DYRK1B: variants seen among roughly 807,000 people sequenced by gnomAD.
The protein encoded by DYRK1B is dual specificity tyrosine phosphorylation regulated kinase 1B, also known as dual specificity tyrosine-phosphorylation-regulated kinase 1B.
DYRK1B carries 20 observed loss-of-function variants against 57.1 expected under a neutral mutation model. That is an observed-to-expected ratio of 0.35 (90% confidence interval 0.25 to 0.51). The LOEUF (loss-of-function observed/expected upper bound fraction) is 0.51, where lower values mean the gene tolerates loss of function less well. Ranked by LOEUF, DYRK1B falls within the 20% of genes least tolerant of loss-of-function variation. The pLI is 0.96. For synonymous variants in DYRK1B, 409 were observed against 384.7 expected (o/e 1.06, Z -0.74); for missense variants, 732 against 886.3 (o/e 0.83, Z 2.21).
At chr19:39,829,722 G>T in intron 5 of DYRK1B, 158 bp downstream of exon 5, 3 of 799,180 alleles carry the variant, frequency 3.8e-6, no homozygotes, top group Non-Finnish European at 5.7e-6. Flanking sequence ...AATCATAAAA[G>T]CAGCAGGAGA....
intron 2 of DYRK1B, 146 bp from the exon 3 acceptor site, chr19:39,830,929 G>A: frequency 2.1e-6 from 2 of 968,888 alleles, no homozygotes; most frequent in Non-Finnish European, 3.0e-6. Context: ...CTCCCCCAGG[G>A]CTGAGACTTT....
chr19:39,827,535 T>G lies in DYRK1B; in HGVS notation c.929A>C (p.Glu310Ala), dbSNP rs1011510813. Residue 310 changes from glutamate (E) to alanine (A), a missense_variant, in exon 7 of 11, where the codon GAG (glutamate) becomes GCG (alanine). Glu to Ala is a moderately radical substitution (Grantham distance 107, BLOSUM62 -1). Coordinates refer to ENST00000323039, the MANE Select transcript of DYRK1B (RefSeq NM_004714.3). ...CTCATTGGAGCCACTGAAGAGGGGC[T>G]CTCCGGTGTGCATCTCCACAAGGAT... ...GCILVEMHTG[E>A]PLFSGSNEVD... The G allele has an allele frequency of 1.9e-6, 3 of 1,613,824 alleles. No homozygotes were observed. The highest frequency in any genetic ancestry group is 1.7e-5 in the Admixed American group (1 of 60,002).
At chr19:39,830,235 C>T in intron 4 of DYRK1B, 140 bp downstream of exon 4, 1 of 1,241,314 alleles carries the variant, frequency 8.1e-7, no homozygotes, top group Non-Finnish European at 1.1e-6. Flanking sequence ...AACTGTTTTA[C>T]AGAAAAGGCG....
chr19:39,834,046 C>G lies in DYRK1B; in HGVS notation c.-125G>C, dbSNP rs1968961180. On this transcript the variant is annotated 5_prime_UTR_variant, in exon 1 of 11. Coordinates refer to ENST00000323039, the MANE Select transcript of DYRK1B (RefSeq NM_004714.3). ...ACCTGAAGGAGCGGGCAAGGGGACT[C>G]AAACTGCTCGGGGAGCCCGAGCTCA... The G allele has an allele frequency of 6.1e-6, 1 of 164,412 alleles. No homozygotes were observed. The highest frequency in any genetic ancestry group is 6.1e-5 in the Admixed American group (1 of 16,372). 10.2% of individuals were successfully genotyped at this position (164,412 alleles called of 1,614,324 possible). A position where few individuals can be genotyped will look rare whatever the true frequency, so the allele number is the denominator to read the frequency against.
chr19:39,829,288 G>A (rs1000419586), intron 5 of DYRK1B, among the ~76,000 whole-genome samples: 7 of 150,808 alleles, frequency 4.6e-5, no homozygotes, highest in East Asian at 1.9e-4. Flanking sequence ...GTGCAGTGGC[G>A]TGGTCCCAGC....
At chr19:39,832,754 C>T (rs1358008063) in intron 1 of DYRK1B, among the ~76,000 whole-genome samples, 4 of 152,098 alleles carry the variant, frequency 2.6e-5, no homozygotes, top group Admixed American at 6.5e-5. Flanking sequence ...ACCAGCCTTC[C>T]AGGTAGTCTC....
At chr19:39,827,750 T>C (rs1599640117) in intron 6 of DYRK1B, 94 bp from the exon 7 acceptor site, 1 of 1,472,976 alleles carries the variant, frequency 6.8e-7, no homozygotes. Context: ...GACAGGCTTC[T>C]TGCTGACAAA....
intron 5 of DYRK1B, among the ~76,000 whole-genome samples, chr19:39,829,136 T>C (rs1968685533): frequency 6.6e-6 from 1 of 152,092 alleles, no homozygotes; most frequent in African/African-American, 2.4e-5. Context: ...TGACAGCACT[T>C]GAATGCCTGA....
At chr19:39,827,257 G>A (rs1175297042) in intron 8 of DYRK1B, 28 bp downstream of exon 8, 1 of 1,590,614 alleles carries the variant, frequency 6.3e-7, no homozygotes, top group Non-Finnish European at 8.6e-7. Context: ...CACGGGGTGG[G>A]AGGAGTGGCA....
chr19:39,829,817 T>A, intron 5 of DYRK1B, 63 bp downstream of exon 5: 1 of 1,579,980 alleles, frequency 6.3e-7, no homozygotes, highest in South Asian at 1.1e-5. Context: ...GTGTGACCCA[T>A]CCCTACTGGC....
At position 39,825,551 on chromosome 19, in the gene DYRK1B, C is replaced by G; in HGVS notation, c.*164G>C. 1.4e-6 allele frequency: 1 copy of G among 695,748 alleles called. No homozygotes were observed. The allele number at this position is 695,748 out of a possible 1,614,324, so 43.1% of individuals were successfully genotyped here. A position where few individuals can be genotyped will look rare whatever the true frequency, so the allele number is the denominator to read the frequency against. ...CTTAGTGGGGAGGGAGCGGCCAAAACCCTCTCCTTGACCCCCCTGCCCCAG... is the reference window on the plus strand; with the variant it reads ...CTTAGTGGGGAGGGAGCGGCCAAAAGCCTCTCCTTGACCCCCCTGCCCCAG... On this transcript the variant is annotated 3_prime_UTR_variant, in exon 11 of 11. Coordinates refer to ENST00000323039, the MANE Select transcript of DYRK1B (RefSeq NM_004714.3).
chr19:39,826,298 AG>A lies in DYRK1B; in HGVS notation c.1412-13del. On this transcript the variant is annotated splice_polypyrimidine_tract_variant and intron_variant, in intron 9 of 10. Transcript: ENST00000323039. This position sits in a 1 kb window ranked among gnomAD's most constrained non-coding sequence, Gnocchi z 6.3. ...GCCACTGGAGCCTCCTGGAAGTGCCAGGGAGGAGAGGTGAAGGGGCATAAGG... is the reference window on the plus strand; with the variant it reads ...GCCACTGGAGCCTCCTGGAAGTGCCAGGAGGAGAGGTGAAGGGGCATAAGG... The A allele has an allele frequency of 6.4e-7, 1 of 1,557,122 alleles. No homozygotes were observed. Among genetic ancestry groups the A allele is most frequent in the Admixed American group, 2.1e-5 (1 of 48,356 alleles).
rs1418850750 is a variant in DYRK1B at position 39,826,621 on chromosome 19, AC to A, written c.1411+50del. The A allele has an allele frequency of 5.3e-6, 8 of 1,508,698 alleles. No individual in the cohort carries two copies. Among genetic ancestry groups the A allele is most frequent in the Non-Finnish European group, 6.2e-6 (7 of 1,128,928 alleles). The allele number at this position is 1,508,698 out of a possible 1,614,324, so 93.5% of individuals were successfully genotyped here. ...AACCAGGTCCCCCAGGACAGGCCAA[AC>A]CTGAGCAGCCCCCACCCGTTGTACC... On this transcript the variant is annotated intron_variant, in intron 9 of 10. Coordinates refer to ENST00000323039, the MANE Select transcript of DYRK1B (RefSeq NM_004714.3). This position sits in a 1 kb window ranked among gnomAD's most constrained non-coding sequence, Gnocchi z 6.3.
Position 39,827,289 on chromosome 19 carries a change from C to G in DYRK1B, c.1091G>C (p.Arg364Thr). 1 of 1,610,530 alleles carries G rather than the reference C, an allele frequency of 6.2e-7. No homozygotes were observed. The highest frequency in any genetic ancestry group is 1.1e-5 in the South Asian group (1 of 90,894). Residue 364 changes from arginine (R) to threonine (T), a missense_variant, in exon 8 of 11, where the codon AGG becomes ACG. Physicochemically the swap from Arg to Thr is moderately conservative, Grantham distance 71 (BLOSUM62 -1). Around this residue, in one of 2 missense-constraint regions of DYRK1B, gnomAD observed 510 missense variants for 681.3 expected, o/e 0.75. Transcript: ENST00000323039. ...GGCATGGGGCAGGGGCCGCACCTTC[C>G]TGAGTTCTTTCGTCCTTCGTAGGGT... Reference protein sequence around the residue: ...GWTLRRTKELRKDYQGPGTRR... With the variant: ...GWTLRRTKELTKDYQGPGTRR...
At chr19:39,832,519 C>A (rs944703436) in intron 1 of DYRK1B, among the ~76,000 whole-genome samples, 8 of 152,092 alleles carry the variant, frequency 5.3e-5, no homozygotes, top group Non-Finnish European at 7.4e-5. Context: ...GATTCCCAAA[C>A]CACATGAGTC....
At chr19:39,829,794 G>C (rs747407211) in intron 5 of DYRK1B, 86 bp downstream of exon 5, 1 of 1,474,092 alleles carries the variant, frequency 6.8e-7, no homozygotes, top group Non-Finnish European at 9.2e-7. Context: ...CTCCTCCTGA[G>C]AGTAGGGCGG....
In DYRK1B at chr19:39,826,252, G is replaced by A; in HGVS notation, c.1446C>T (p.Thr482=). 2 of 1,595,246 alleles carry A rather than the reference G, an allele frequency of 1.3e-6. No individual in the cohort carries two copies. The highest frequency in any genetic ancestry group is 1.7e-6 in the Non-Finnish European group (2 of 1,173,246). ...GSSGSSSDNR[T]YRYSNRYCGG... Reference sequence around the variant, plus strand: ...CACAATATCGGTTGCTGTAGCGGTAGGTCCGGTTGTCACTGGAGGAGCCAC... The same window carrying A: ...CACAATATCGGTTGCTGTAGCGGTAAGTCCGGTTGTCACTGGAGGAGCCAC... Residue 482 remains threonine (T), a synonymous_variant, in exon 10 of 11, where the codon ACC becomes ACT. Coordinates refer to ENST00000323039, the MANE Select transcript of DYRK1B (RefSeq NM_004714.3). This position sits in a 1 kb window ranked among gnomAD's most constrained non-coding sequence, Gnocchi z 6.3.
intron 1 of DYRK1B, among the ~76,000 whole-genome samples, chr19:39,832,386 A>G (rs1297767940): frequency 6.6e-6 from 1 of 152,110 alleles, no homozygotes; most frequent in African/African-American, 2.4e-5. Flanking sequence ...CAGGGCCCCT[A>G]ACACAAGATG....
chr19:39,828,192 G>T lies in DYRK1B; in HGVS notation c.807+105C>A. The T allele has an allele frequency of 2.4e-6, 3 of 1,276,386 alleles. No homozygotes were observed. The highest frequency in any genetic ancestry group is 2.2e-6 in the Non-Finnish European group (2 of 926,740). The allele number at this position is 1,276,386 out of a possible 1,614,324, so 79.1% of individuals were successfully genotyped here. A position where few individuals can be genotyped will look rare whatever the true frequency, so the allele number is the denominator to read the frequency against. ...CCAAGCATTATCCCTCAGTTCCCAC[G>T]GCTCCTAATAATCCCATCCCAGCCA... On this transcript the variant is annotated intron_variant, in intron 6 of 10. Coordinates refer to ENST00000323039, the MANE Select transcript of DYRK1B (RefSeq NM_004714.3). The surrounding 1 kb of genome is among the most constrained non-coding windows in gnomAD (Gnocchi z 4.3).
Sources: gnomAD v4.1 joint callset for allele counts (sites outside exome capture counted in the v4.1 genomes callset) on GRCh38, gnomAD v4.1.1 for gene constraint, gnomAD v4.1.1 regional missense constraint, Gnocchi (gnomAD v3.1) non-coding constraint, MANE v1.5 for transcripts, NCBI Gene and HGNC (gene_info 2026-07-23, HGNC 2026-07-21) for gene names.